Variants in STX10 observed in about 807,000 individuals in gnomAD.
The protein encoded by STX10 is syntaxin 10, also known as syntaxin-10.
Under a neutral mutation model 34.1 loss-of-function variants are expected in STX10, and 35 were observed. The ratio of observed to expected loss-of-function variants is 1.03; its 90% confidence interval spans 0.78 to 1.36. The LOEUF is 1.36. Ranked by LOEUF, STX10 falls within the 40% of genes most tolerant of loss-of-function variation. The pLI, the probability that STX10 is intolerant of heterozygous loss-of-function variation, is 0.00. For synonymous variants in STX10, 155 were observed against 132.9 expected, an observed-to-expected ratio of 1.17 and a Z score of -1.15; for missense variants, 361 against 335.5, an observed-to-expected ratio of 1.08 and a Z score of -0.59.
At chr19:13,149,397 G>A in intron 3 of STX10, 102 bp downstream of exon 3, 3 of 993,922 alleles carry the variant, frequency 3.0e-6, no homozygotes, top group African/African-American at 1.8e-5. Flanking sequence ...GGGCGACAGA[G>A]CGAGGCTCTG....
intron 4 of STX10, among the ~76,000 whole-genome samples, chr19:13,146,423 T>C (rs2019901152): frequency 6.6e-6 from 1 of 152,124 alleles, no homozygotes; most frequent in South Asian, 2.1e-4. Context: ...TTACTAGTGA[T>C]AGGGTTTCCC....
At chr19:13,149,221 G>T in intron 3 of STX10, 130 bp from the exon 4 acceptor site, 2 of 798,300 alleles carry the variant, frequency 2.5e-6, no homozygotes, top group South Asian at 3.2e-5. Flanking sequence ...AGACCAGCCT[G>T]ATCAACATGG....
At chr19:13,148,178 AG>A (rs2019950721) in intron 4 of STX10, among the ~76,000 whole-genome samples, 1 of 151,942 alleles carries the variant, frequency 6.6e-6, no homozygotes, top group South Asian at 2.1e-4. Flanking sequence ...GTTTGAGACC[AG>A]ACTGACCAAC....
Position 13,144,778 on chromosome 19 carries a change from C to T in STX10, c.564G>A (p.Leu188=). ...CCTGGCCTCACATGCCCTGCTCGTC[C>T]AGCTCTTCTCCAACGCGGCCGGACA... The part of the protein sequence containing the change: ...KHMSGRVGEE[L]DEQGIMLDAF... The change falls in exon 6 of 8, where the codon CTG becomes CTA. Residue 188 remains leucine (L), a synonymous_variant. Transcript: ENST00000587230. 1 of 1,613,914 alleles carries T rather than the reference C, an allele frequency of 6.2e-7. No individual in the cohort carries two copies.
Position 13,149,852 on chromosome 19 carries a change from G to A in STX10, c.81C>T (p.Arg27=), listed in dbSNP as rs1233674409. ...AVNTARGLYQ[R]WCELLQESAA... ...CGCTTTCCTGCAGGAGCTCGCACCA[G>A]CGCTGGTACAGCCCGCGGGCCGTGT... The change falls in exon 2 of 8, where the codon CGC becomes CGT. Residue 27 remains arginine, a synonymous_variant. Coordinates refer to ENST00000587230, the MANE Select transcript of STX10 (RefSeq NM_003765.3). 12 of 1,612,514 alleles carry A rather than the reference G, an allele frequency of 7.4e-6. No homozygotes were observed. The highest frequency in any genetic ancestry group is 1.3e-5 in the African/African-American group (1 of 75,024).
rs1196178420 is a variant in STX10 at position 13,149,904 on chromosome 19, G to A, written c.36-7C>T. The stretch of plus-strand genomic sequence containing the variant: ...CACCGCCTTCTGCACCTCGCTGCGG[G>A]CAGGGGCACGGCGGGCGCGGCTGGG... On this transcript the variant is annotated splice_polypyrimidine_tract_variant and splice_region_variant and intron_variant, in intron 1 of 7. Transcript: ENST00000587230. 1 of 1,572,426 alleles carries A rather than the reference G, an allele frequency of 6.4e-7. No homozygotes were observed. The highest frequency in any genetic ancestry group is 2.4e-5 in the East Asian group (1 of 42,350).
chr19:13,144,811 C>T lies in STX10; in HGVS notation c.531G>A (p.Leu177=), dbSNP rs568146372. ...CTCCAACGCGGCCGGACATGTGCTTCAGAACCTGGATGCTCCCAGACACCA... is the reference window on the plus strand; with the variant it reads ...CTCCAACGCGGCCGGACATGTGCTTTAGAACCTGGATGCTCCCAGACACCA... ...LEMVSGSIQV[L]KHMSGRVGEE... Residue 177 remains leucine, a synonymous_variant, in exon 6 of 8, where the codon CTG becomes CTA. Coordinates refer to ENST00000587230, the MANE Select transcript of STX10 (RefSeq NM_003765.3). 19 of 1,614,066 alleles carry T rather than the reference C, an allele frequency of 1.2e-5. No individual in the cohort carries two copies. The South Asian group carries it at 1.9e-4, about 16-fold the overall frequency.
chr19:13,150,169 G>A lies in STX10; in HGVS notation c.5C>T (p.Ser2Phe), dbSNP rs1244090531. The stretch of plus-strand genomic sequence containing the variant: ...GACTACAAAAAAGGGGTCTTCGAGA[G>A]ACATGTCAGTCCCTTCCCCCCCAGG... M[S>F]LEDPFFVVRG... Residue 2 changes from serine to phenylalanine, a missense_variant, in exon 1 of 8, where the codon TCT becomes TTT. Physicochemically the swap from Ser to Phe is radical, Grantham distance 155. Transcript: ENST00000587230. The surrounding 1 kb of genome is among the most constrained non-coding windows in gnomAD (Gnocchi z 4.0). 1.8e-6 allele frequency: 2 copies of A among 1,122,670 alleles called. No homozygotes were observed. Among genetic ancestry groups the A allele is most frequent in the African/African-American group, 1.5e-5 (1 of 64,972 alleles). The allele number at this position is 1,122,670 out of a possible 1,614,324, so 69.5% of individuals were successfully genotyped here.
chr19:13,146,128 C>T (rs550944336), intron 4 of STX10, among the ~76,000 whole-genome samples: 52 of 148,972 alleles, frequency 3.5e-4, no homozygotes, highest in African/African-American at 1.1e-3. Context: ...ACCTGGGGGG[C>T]GGTGGTTGCA....
Position 13,149,842 on chromosome 19 carries a change from G to A in STX10, c.91C>T (p.Leu31Phe), listed in dbSNP as rs1205451577. 4.3e-6 allele frequency: 7 copies of A among 1,613,056 alleles called. No homozygotes were observed. Among genetic ancestry groups the A allele is most frequent in the Non-Finnish European group, 5.9e-6 (7 of 1,179,858 alleles). Residue 31 changes from leucine (L) to phenylalanine (F), a missense_variant, in exon 2 of 8, where the codon CTC (leucine) becomes TTC (phenylalanine). Leu to Phe is a conservative substitution (Grantham distance 22). Transcript: ENST00000587230. The stretch of plus-strand genomic sequence containing the variant: ...CCGACCGCCGCGCTTTCCTGCAGGA[G>A]CTCGCACCAGCGCTGGTACAGCCCG... ...ARGLYQRWCELLQESAAVGRE... is the reference protein window; with the variant it reads ...ARGLYQRWCEFLQESAAVGRE...
Position 13,149,835 on chromosome 19 carries a change from T to C in STX10, c.98A>G (p.Gln33Arg). ...GLYQRWCELLQESAAVGREEL... is the reference protein window; with the variant it reads ...GLYQRWCELLRESAAVGREEL... ...CTCGCGTCCGACCGCCGCGCTTTCC[T>C]GCAGGAGCTCGCACCAGCGCTGGTA... The change falls in exon 2 of 8, where the codon CAG (glutamine) becomes CGG (arginine). Residue 33 changes from glutamine (Q) to arginine (R), a missense_variant. By Grantham distance (43) the Gln-to-Arg change is conservative. Coordinates refer to ENST00000587230, the MANE Select transcript of STX10 (RefSeq NM_003765.3). The C allele has an allele frequency of 6.2e-7, 1 of 1,613,502 alleles. No homozygotes were observed. Among genetic ancestry groups the C allele is most frequent in the Non-Finnish European group, 8.5e-7 (1 of 1,179,950 alleles).
rs1372632445 is a variant in STX10 at position 13,149,183 on chromosome 19, G to A, written c.301-92C>T. On this transcript the variant is annotated intron_variant, in intron 3 of 7. Coordinates refer to ENST00000587230, the MANE Select transcript of STX10 (RefSeq NM_003765.3). ...TCCTAGCACTTTGAGAGACCAAGCC[G>A]GGTGGATCACCTGAGGTCAGGAGTT... The A allele has an allele frequency of 1.6e-5, 18 of 1,154,862 alleles. No homozygotes were observed. The South Asian group carries it at 1.6e-4, about 10-fold the overall frequency. The allele number at this position is 1,154,862 out of a possible 1,614,324, so 71.5% of individuals were successfully genotyped here.
chr19:13,145,447 G>C, intron 4 of STX10, 52 bp from the exon 5 acceptor site: 1 of 1,507,060 alleles, frequency 6.6e-7, no homozygotes, highest in Non-Finnish European at 9.1e-7. Context: ...TCACAGCGGG[G>C]CCTGTGGGGC....
At chr19:13,145,067 TG>T (rs1450214449) in intron 5 of STX10, among the ~76,000 whole-genome samples, 197 bp from the exon 6 acceptor site, 2 of 151,842 alleles carry the variant, frequency 1.3e-5, no homozygotes, top group Non-Finnish European at 2.9e-5. Context: ...GGCATTGTGG[TG>T]GGCGCCTGTA....
chr19:13,149,429 A>AAT, intron 3 of STX10, 70 bp downstream of exon 3: 2 of 1,129,054 alleles, frequency 1.8e-6, no homozygotes, highest in Non-Finnish European at 2.5e-6. Context: ...AAAAAAAAAA[A>AAT]GAAAGAAAGA....
intron 4 of STX10, among the ~76,000 whole-genome samples, chr19:13,146,472 T>C (rs1442513900): frequency 6.6e-6 from 1 of 152,018 alleles, no homozygotes; most frequent in African/African-American, 2.4e-5. Flanking sequence ...TGACCTCAAG[T>C]GATCCACCTG....
At chr19:13,145,527 T>G in intron 4 of STX10, 132 bp from the exon 5 acceptor site, 6 of 681,324 alleles carry the variant, frequency 8.8e-6, no homozygotes, top group Non-Finnish European at 1.5e-5. Context: ...CACTCACCAC[T>G]TACTAGCAAG....
chr19:13,148,363 C>T (rs2019956300), intron 4 of STX10, among the ~76,000 whole-genome samples: 1 of 151,430 alleles, frequency 6.6e-6, no homozygotes, highest in African/African-American at 2.4e-5. Context: ...ATTAGCCAGG[C>T]ATGGTGGCGT....
At position 13,145,467 on chromosome 19, in the gene STX10, C is replaced by T. The variant is rs149298458; in HGVS notation, c.364-72G>A. On this transcript the variant is annotated intron_variant, in intron 4 of 7. Transcript: ENST00000587230. ...GCGGGGCCTGTGGGGCAAATCCCCA[C>T]GGTGGTAAGTCAGGGGGGCAGACTC... The T allele has an allele frequency of 1.1e-3, 1,410 of 1,330,186 alleles. 7 individuals carry two copies. The African/African-American group carries it at 0.015, about 14-fold the overall frequency. The allele number at this position is 1,330,186 out of a possible 1,614,324, so 82.4% of individuals were successfully genotyped here.
Sources: allele counts gnomAD v4.1 joint callset (sites outside exome capture counted in the v4.1 genomes callset), GRCh38; gene constraint gnomAD v4.1.1; non-coding constraint Gnocchi (gnomAD v3.1); transcripts MANE v1.5; gene names NCBI Gene and HGNC (gene_info 2026-07-23, HGNC 2026-07-21).